Variants in EEIG2 observed in about 807,000 individuals in gnomAD.
The protein encoded by EEIG2 is EEIG family member 2.
At chr1:108,628,085 T>G in the EEIG2 span, 2 of 1,210,606 alleles carry the variant, frequency 1.7e-6, no homozygotes, top group Non-Finnish European at 2.4e-6. Context: ...TTGGCAGAGT[T>G]TATAAAGTCT....
the EEIG2 span, chr1:108,628,659 A>T: frequency 8.1e-6 from 13 of 1,597,550 alleles, no homozygotes; most frequent in South Asian, 1.0e-4. Context: ...AAAGGAAAAA[A>T]TGTAATTCTT....
chr1:108,612,598 T>G, the EEIG2 span, among the ~76,000 whole-genome samples: 9 of 152,218 alleles, frequency 5.9e-5, no homozygotes, highest in African/African-American at 1.9e-4. Context: ...AATGAATACC[T>G]TAAAATGTTT....
chr1:108,614,843 C>T, the EEIG2 span, among the ~76,000 whole-genome samples: 4 of 152,336 alleles, frequency 2.6e-5, 1 homozygote, highest in South Asian at 8.3e-4. Context: ...TGTCCCACAT[C>T]TCTGTTCTAC....
chr1:108,596,737 G>GTT, the EEIG2 span, among the ~76,000 whole-genome samples: 541 of 150,230 alleles, frequency 3.6e-3, 1 homozygote, highest in African/African-American at 0.013. Flanking sequence ...CTATTTTTCT[G>GTT]TTTTTTTGTT....
the EEIG2 span, chr1:108,629,842 G>C: frequency 3.1e-6 from 2 of 646,470 alleles, no homozygotes; most frequent in East Asian, 6.0e-5. Context: ...GGGTATGTTT[G>C]ACATTATATT....
At chr1:108,570,038 A>G in the EEIG2 span, among the ~76,000 whole-genome samples, 953 of 152,268 alleles carry the variant, frequency 6.3e-3, 14 homozygotes, top group African/African-American at 0.021. Context: ...TTTCACACCA[A>G]ATTTACTCTT....
chr1:108,617,445 A>G, the EEIG2 span, among the ~76,000 whole-genome samples: 1 of 152,198 alleles, frequency 6.6e-6, no homozygotes, highest in African/African-American at 2.4e-5. Flanking sequence ...AAGAGGAACA[A>G]ATTGGGAGCT....
At chr1:108,630,179 A>G in the EEIG2 span, among the ~76,000 whole-genome samples, 1 of 152,088 alleles carries the variant, frequency 6.6e-6, no homozygotes, top group African/African-American at 2.4e-5. Flanking sequence ...GCAAAATTAC[A>G]TTTTCAGTCA....
chr1:108,612,143 A>G, the EEIG2 span: 70 of 1,424,720 alleles, frequency 4.9e-5, 2 homozygotes, highest in African/African-American at 6.4e-4. Flanking sequence ...AGCCTACTAG[A>G]TAGTCTATTA....
the EEIG2 span, chr1:108,616,564 G>C: frequency 5.0e-6 from 3 of 604,158 alleles, no homozygotes; most frequent in East Asian, 5.9e-5. Context: ...CTGGGAGACT[G>C]ACCTGACCCT....
At chr1:108,593,519 T>C in the EEIG2 span, among the ~76,000 whole-genome samples, 1 of 152,184 alleles carries the variant, frequency 6.6e-6, no homozygotes, top group Non-Finnish European at 1.5e-5. Context: ...ACTGGACATA[T>C]TGCCAGTTTG....
the EEIG2 span, among the ~76,000 whole-genome samples, chr1:108,617,164 GA>G: frequency 6.6e-6 from 1 of 152,166 alleles, no homozygotes; most frequent in African/African-American, 2.4e-5. Context: ...CGGGTGATAG[GA>G]GATGAGGTCA....
chr1:108,626,653 C>T, the EEIG2 span: 1 of 152,208 alleles, frequency 6.6e-6, no homozygotes, highest in African/African-American at 2.4e-5. Context: ...TTGATCATGT[C>T]ACACCCTTTC....
the EEIG2 span, chr1:108,637,765 C>T: frequency 2.6e-5 from 4 of 152,404 alleles, no homozygotes; most frequent in Non-Finnish European, 5.9e-5. Flanking sequence ...GAGTCTTAAA[C>T]ATCTTGTTTG....
the EEIG2 span, among the ~76,000 whole-genome samples, chr1:108,623,664 C>T: frequency 6.6e-6 from 1 of 152,010 alleles, no homozygotes; most frequent in Non-Finnish European, 1.5e-5. Flanking sequence ...TATGTATCTA[C>T]AAAAATAAAA....
At chr1:108,596,807 T>C in the EEIG2 span, among the ~76,000 whole-genome samples, 1 of 152,082 alleles carries the variant, frequency 6.6e-6, no homozygotes, top group East Asian at 1.9e-4. Context: ...GGCACACTCA[T>C]GGCTCACTAC....
the EEIG2 span, among the ~76,000 whole-genome samples, chr1:108,572,638 C>T: frequency 7.2e-5 from 11 of 152,100 alleles, no homozygotes; most frequent in African/African-American, 2.2e-4. Flanking sequence ...TTTCTTGAGA[C>T]GGAGTCTCGC....
At chr1:108,587,531 AG>A in the EEIG2 span, among the ~76,000 whole-genome samples, 42 of 152,288 alleles carry the variant, frequency 2.8e-4, no homozygotes, top group African/African-American at 9.6e-4. Context: ...CATACAGAGA[AG>A]TTTCACTGCC....
At chr1:108,585,511 G>GA in the EEIG2 span, among the ~76,000 whole-genome samples, 1 of 152,082 alleles carries the variant, frequency 6.6e-6, no homozygotes, top group African/African-American at 2.4e-5. Context: ...ATATCAGCAG[G>GA]AGATACCACA....
Sources: gnomAD v4.1 joint callset for allele counts (sites outside exome capture counted in the v4.1 genomes callset) on GRCh38, gnomAD v4.1.1 for gene constraint, MANE v1.5 for transcripts, NCBI Gene and HGNC (gene_info 2026-07-23, HGNC 2026-07-21) for gene names.